PDE5A: variants seen among roughly 807,000 people sequenced by gnomAD.
PDE5A encodes phosphodiesterase 5A.
In PDE5A, 67 loss-of-function variants were observed where a neutral mutation model predicts 110.2. That is an observed-to-expected ratio of 0.61 (90% CI 0.50 to 0.75). The LOEUF (loss-of-function observed/expected upper bound fraction) is 0.75, where lower values mean the gene tolerates loss of function less well. PDE5A is among the 30% of genes least tolerant of loss of function. The pLI is 0.00. For missense variants in PDE5A, 862 were observed against 1,045.1 expected (o/e 0.82, Z 2.42); for synonymous variants, 328 against 351.2 (o/e 0.93, Z 0.74).
chr4:119,546,675 A>C (rs1481857100), intron 9 of PDE5A, among the ~76,000 whole-genome samples: 2 of 150,614 alleles, frequency 1.3e-5, no homozygotes, highest in Non-Finnish European at 3.0e-5. Flanking sequence ...AAGGATAATA[A>C]AATTGATGCA....
At chr4:119,563,075 G>T in intron 5 of PDE5A, 105 bp from the exon 6 acceptor site, 1 of 848,442 alleles carries the variant, frequency 1.2e-6, no homozygotes, top group Non-Finnish European at 1.7e-6. Flanking sequence ...AGCAGGTTAT[G>T]ATCAAGTCTG....
chr4:119,601,663 T>TG (rs1729353609), intron 2 of PDE5A, among the ~76,000 whole-genome samples: 2 of 152,190 alleles, frequency 1.3e-5, no homozygotes, highest in Admixed American at 1.3e-4. Context: ...GGATCCCACT[T>TG]GCAGCTGACG....
At chr4:119,549,200 G>T (rs1269550178) in intron 9 of PDE5A, 3 of 152,052 alleles carry the variant, frequency 2.0e-5, no homozygotes, top group Non-Finnish European at 4.4e-5. Flanking sequence ...ATTCATTAAG[G>T]CCTACTCAAA....
intron 9 of PDE5A, among the ~76,000 whole-genome samples, chr4:119,547,479 C>T (rs1188934633): frequency 1.3e-5 from 2 of 151,772 alleles, no homozygotes; most frequent in African/African-American, 4.8e-5. Flanking sequence ...GGGAAGGCAA[C>T]AGAGTGAGAA....
intron 14 of PDE5A, 132 bp downstream of exon 14, chr4:119,518,913 C>T: frequency 1.2e-5 from 7 of 590,578 alleles, no homozygotes; most frequent in Admixed American, 6.2e-5. Flanking sequence ...ATTATTTTTT[C>T]CATTTCCTTT....
chr4:119,548,601 T>C (rs1727225151), intron 9 of PDE5A: 1 of 152,198 alleles, frequency 6.6e-6, no homozygotes, highest in Non-Finnish European at 1.5e-5. Flanking sequence ...AGGAATTCCT[T>C]AGTGTTTCTG....
At chr4:119,580,641 T>A (rs1467793459) in intron 3 of PDE5A, among the ~76,000 whole-genome samples, 1 of 152,176 alleles carries the variant, frequency 6.6e-6, no homozygotes, top group Admixed American at 6.5e-5. Flanking sequence ...GTTTGCACTT[T>A]ATGCTGAAAC....
chr4:119,624,646 A>C (rs906464903), intron 1 of PDE5A, among the ~76,000 whole-genome samples: 2 of 152,254 alleles, frequency 1.3e-5, no homozygotes, highest in African/African-American at 4.8e-5. Flanking sequence ...AATAAAGTCA[A>C]TCATGTCATC....
At chr4:119,564,515 G>T (rs2127823) in intron 5 of PDE5A, among the ~76,000 whole-genome samples, 44,500 of 151,852 alleles carry the variant, frequency 0.29, 6,558 homozygotes, top group East Asian at 0.38. Flanking sequence ...GCTAAATAGT[G>T]TAGCTTGGAA....
chr4:119,528,101 GACAA>G (rs1408635386), intron 11 of PDE5A, among the ~76,000 whole-genome samples: 3 of 152,002 alleles, frequency 2.0e-5, no homozygotes, highest in Admixed American at 1.3e-4. Context: ...GATTCAATCT[GACAA>G]ACAATTTGAT....
intron 2 of PDE5A, among the ~76,000 whole-genome samples, chr4:119,603,612 A>C (rs1253404807): frequency 1.1e-4 from 3 of 26,748 alleles, no homozygotes; most frequent in Non-Finnish European, 2.8e-4. Flanking sequence ...TCAGTAATAA[A>C]ACTATAGAAT....
chr4:119,561,675 C>G (rs2110504351), intron 6 of PDE5A, among the ~76,000 whole-genome samples: 1 of 152,208 alleles, frequency 6.6e-6, no homozygotes. Context: ...GGCATGGCTA[C>G]TATATTAAAA....
chr4:119,628,641 G>C lies in PDE5A; in HGVS notation c.31C>G (p.Gln11Glu). Residue 11 changes from glutamine (Q) to glutamate (E), a missense_variant, in exon 1 of 21, where the codon CAG becomes GAG. Coordinates refer to ENST00000354960, the MANE Select transcript of PDE5A (RefSeq NM_001083.4). MERAGPSFGQ[Q>E]RQQQQPQQQK... ...TGCTGGGGCTGCTGCTGCTGTCGCT[G>C]CTGCCCGAAGCTGGGGCCGGCCCGC... is the stretch of plus-strand genomic sequence containing the variant. 3 of 1,613,658 alleles carry C rather than the reference G, an allele frequency of 1.9e-6. No homozygotes were observed. The highest frequency in any genetic ancestry group is 2.5e-6 in the Non-Finnish European group (3 of 1,179,972).
chr4:119,519,244 C>A, intron 13 of PDE5A, 105 bp from the exon 14 acceptor site: 1 of 770,000 alleles, frequency 1.3e-6, no homozygotes. Flanking sequence ...CAGTGCTTTA[C>A]ATACATACTT....
chr4:119,601,264 C>T (rs1729333784), intron 2 of PDE5A, among the ~76,000 whole-genome samples: 1 of 152,142 alleles, frequency 6.6e-6, no homozygotes, highest in Admixed American at 6.5e-5. Flanking sequence ...AGAGGGGAGA[C>T]TGGCTGGAGA....
At chr4:119,539,950 A>G (rs1021106324) in intron 10 of PDE5A, among the ~76,000 whole-genome samples, 1 of 152,166 alleles carries the variant, frequency 6.6e-6, no homozygotes, top group Non-Finnish European at 1.5e-5. Context: ...TCAACCATTA[A>G]GTATAATGCA....
At chr4:119,519,346 C>A in intron 13 of PDE5A, 1 of 448,148 alleles carries the variant, frequency 2.2e-6, no homozygotes, top group Non-Finnish European at 4.0e-6. Context: ...ACAAATGTCA[C>A]TTATCAACAG....
In PDE5A at chr4:119,592,452, T is replaced by C. The variant is rs1344099583; in HGVS notation, c.831+4071A>G. Among the ~76,000 whole-genome samples, 3 of 44,338 alleles carry C rather than the reference T, an allele frequency of 6.8e-5. No homozygotes were observed. In the East Asian group the frequency reaches 3.5e-3, roughly 52 times the overall value. 29.1% of individuals were successfully genotyped at this position (44,338 alleles called of 152,430 possible). A position where few individuals can be genotyped will look rare whatever the true frequency, so the allele number is the denominator to read the frequency against. On this transcript the variant is annotated intron_variant, in intron 3 of 20. Transcript: ENST00000354960. ...CAGCCTGGGTGACAGAGCGAGACTC[T>C]GTTTAAAAAAAAAAAAAAAAAAAAA...
At chr4:119,540,641 C>A (rs1270521290) in intron 10 of PDE5A, among the ~76,000 whole-genome samples, 1 of 152,164 alleles carries the variant, frequency 6.6e-6, no homozygotes, top group Non-Finnish European at 1.5e-5. Flanking sequence ...ATAACTTACA[C>A]ATGGGGCATA....
Sources: allele counts gnomAD v4.1 joint callset (sites outside exome capture counted in the v4.1 genomes callset), GRCh38; gene constraint gnomAD v4.1.1; transcripts MANE v1.5; gene names NCBI Gene and HGNC (gene_info 2026-07-23, HGNC 2026-07-21).